Variants in GRIA4 observed in about 807,000 individuals in gnomAD.
The protein encoded by GRIA4 is glutamate ionotropic receptor AMPA type subunit 4.
A neutral mutation model predicts 104.0 loss-of-function variants in GRIA4; 34 were observed. That is an observed-to-expected ratio of 0.33 (90% CI 0.25 to 0.44). The LOEUF is 0.44. Among genes scored for constraint, GRIA4 ranks in the 20% least tolerant of loss-of-function variants. GRIA4 has a pLI of 1.00. For synonymous variants in GRIA4, 386 were observed against 381.9 expected (o/e 1.01, Z -0.13); for missense variants, 750 against 1,096.5 (o/e 0.68, Z 4.46).
At chr11:105,613,170 C>T (rs1950521208) in intron 3 of GRIA4, 1 of 152,166 alleles carries the variant, frequency 6.6e-6, no homozygotes, top group Admixed American at 6.5e-5. Flanking sequence ...CGGGTGACCT[C>T]ACCTAATGCC....
chr11:105,626,371 A>G (rs1950887238), intron 3 of GRIA4, among the ~76,000 whole-genome samples: 1 of 152,176 alleles, frequency 6.6e-6, no homozygotes, highest in Admixed American at 6.6e-5. Context: ...CCAGTAAACA[A>G]ACTATAAAGT....
chr11:105,925,753 C>A lies in GRIA4; in HGVS notation c.1847+984C>A, dbSNP rs531818782. ...AGGATTAAGCAAATATTAAGTTAAA[C>A]CCAATAGGTGTCTCTTTTATAATAG... On this transcript the variant is annotated intron_variant, in intron 12 of 16. Coordinates refer to ENST00000282499, the MANE Select transcript of GRIA4 (RefSeq NM_000829.4). Among the ~76,000 whole-genome samples, 19 of 152,082 alleles carry A rather than the reference C, an allele frequency of 1.2e-4. No individual in the cohort carries two copies. In the South Asian group the frequency reaches 3.9e-3, roughly 32 times the overall value.
At chr11:105,831,375 T>C (rs529013862) in intron 4 of GRIA4, among the ~76,000 whole-genome samples, 62 of 152,036 alleles carry the variant, frequency 4.1e-4, no homozygotes, top group Admixed American at 2.0e-3. Context: ...TCAAGACTAG[T>C]CACAAGGCCA....
At chr11:105,639,789 A>G (rs1951308066) in intron 3 of GRIA4, among the ~76,000 whole-genome samples, 2 of 152,126 alleles carry the variant, frequency 1.3e-5, no homozygotes, top group African/African-American at 2.4e-5. Flanking sequence ...GTTAGTGTCC[A>G]GTGTTCTTCC....
At chr11:105,721,812 C>G (rs1040894363) in intron 3 of GRIA4, among the ~76,000 whole-genome samples, 5 of 152,096 alleles carry the variant, frequency 3.3e-5, no homozygotes, top group Non-Finnish European at 7.3e-5. Context: ...GAGGAGCTTC[C>G]ATGGCCTGTG....
intron 15 of GRIA4, 144 bp downstream of exon 15, chr11:105,972,172 A>G: frequency 1.9e-6 from 1 of 515,904 alleles, no homozygotes; most frequent in Non-Finnish European, 3.6e-6. Context: ...ATAAATTTCA[A>G]CCATAGGGAT....
intron 5 of GRIA4, among the ~76,000 whole-genome samples, chr11:105,873,885 T>C (rs1429361907): frequency 2.6e-5 from 4 of 152,306 alleles, no homozygotes; most frequent in Non-Finnish European, 5.9e-5. Context: ...ACTCTGATGA[T>C]AGTTTCTTTT....
intron 4 of GRIA4, among the ~76,000 whole-genome samples, chr11:105,826,218 AG>A (rs1190102921): frequency 6.6e-6 from 1 of 152,058 alleles, no homozygotes; most frequent in Admixed American, 6.6e-5. Context: ...GAGAGGTTGC[AG>A]GGAGAAAGGG....
At chr11:105,641,476 A>G (rs1289237389) in intron 3 of GRIA4, among the ~76,000 whole-genome samples, 1 of 152,190 alleles carries the variant, frequency 6.6e-6, no homozygotes, top group African/African-American at 2.4e-5. Context: ...ATAAATGGAA[A>G]CAGACCTGGC....
At chr11:105,888,409 A>G (rs1412162042) in intron 6 of GRIA4, among the ~76,000 whole-genome samples, 1 of 142,914 alleles carries the variant, frequency 7.0e-6, no homozygotes, top group South Asian at 2.3e-4. Context: ...TCAGCCTCCC[A>G]AGTAGCTGGG....
At chr11:105,924,848 C>G in intron 12 of GRIA4, 79 bp downstream of exon 12, 1 of 1,108,192 alleles carries the variant, frequency 9.0e-7, no homozygotes, top group Non-Finnish European at 1.3e-6. Context: ...TCTACATGTT[C>G]TTTTCCTGAA....
At chr11:105,910,663 T>C in intron 10 of GRIA4, 118 bp downstream of exon 10, 1 of 618,188 alleles carries the variant, frequency 1.6e-6, no homozygotes, top group Non-Finnish European at 3.0e-6. Flanking sequence ...ATGGGTGTTC[T>C]GATCCACAAA....
At chr11:105,630,499 G>A (rs1197199101) in intron 3 of GRIA4, among the ~76,000 whole-genome samples, 1 of 152,132 alleles carries the variant, frequency 6.6e-6, no homozygotes, top group Non-Finnish European at 1.5e-5. Flanking sequence ...GGGAGGCCAA[G>A]GTTGCAGTGA....
At chr11:105,880,358 T>A (rs1361772955) in intron 5 of GRIA4, among the ~76,000 whole-genome samples, 3 of 152,196 alleles carry the variant, frequency 2.0e-5, no homozygotes, top group African/African-American at 7.2e-5. Context: ...ACTCTACAAG[T>A]GCTTTTCAAT....
At chr11:105,948,417 A>C (rs1034739321) in intron 14 of GRIA4, among the ~76,000 whole-genome samples, 2 of 152,086 alleles carry the variant, frequency 1.3e-5, no homozygotes, top group African/African-American at 4.8e-5. Context: ...TGGTGAGTTA[A>C]ATACATATTA....
intron 3 of GRIA4, among the ~76,000 whole-genome samples, chr11:105,651,858 G>A (rs1951695177): frequency 6.6e-6 from 1 of 151,978 alleles, no homozygotes; most frequent in Non-Finnish European, 1.5e-5. Flanking sequence ...GCTAATTAAT[G>A]GGACTCTGTC....
At chr11:105,927,942 C>A (rs777661667) in intron 13 of GRIA4, among the ~76,000 whole-genome samples, 9 of 151,896 alleles carry the variant, frequency 5.9e-5, no homozygotes, top group Non-Finnish European at 1.3e-4. Context: ...TTATTACTTT[C>A]TAAGCTTTCA....
At chr11:105,928,589 T>A (rs922459202) in intron 13 of GRIA4, among the ~76,000 whole-genome samples, 3 of 152,004 alleles carry the variant, frequency 2.0e-5, no homozygotes, top group African/African-American at 7.2e-5. Context: ...CGCCTAAAAA[T>A]TACTATGTAT....
chr11:105,907,714 G>T (rs1284460526), intron 9 of GRIA4, among the ~76,000 whole-genome samples: 1 of 152,130 alleles, frequency 6.6e-6, no homozygotes, highest in Non-Finnish European at 1.5e-5. Flanking sequence ...CATGTATTGA[G>T]AGCACATTAT....
Sources: allele counts gnomAD v4.1 joint callset (sites outside exome capture counted in the v4.1 genomes callset), GRCh38; gene constraint gnomAD v4.1.1; transcripts MANE v1.5; gene names NCBI Gene and HGNC (gene_info 2026-07-23, HGNC 2026-07-21).